The following ATXN1L variants were observed in gnomAD, a reference collection of about 807,000 sequenced individuals.
The protein encoded by ATXN1L is ataxin-1-like.
In ATXN1L, 8 loss-of-function variants were observed where a neutral mutation model predicts 43.4. The ratio of observed to expected loss-of-function variants is 0.18; its 90% CI spans 0.11 to 0.33. The LOEUF (loss-of-function observed/expected upper bound fraction) is 0.33, where lower values mean the gene tolerates loss of function less well. ATXN1L is among the 10% of genes least tolerant of loss of function. The pLI is 1.00. For synonymous variants in ATXN1L, 379 were observed against 360.6 expected (o/e 1.05, Z -0.58); for missense variants, 856 against 885.4 (o/e 0.97, Z 0.42).
At position 71,856,872 on chromosome 16, in the gene ATXN1L, T is replaced by C. The variant is rs1193005608; in HGVS notation, c.*5062T>C. 1 of 166,834 alleles carries C rather than the reference T, an allele frequency of 6.0e-6. No homozygotes were observed. Among genetic ancestry groups the C allele is most frequent in the African/African-American group, 2.4e-5 (1 of 41,360 alleles). 10.3% of individuals were successfully genotyped at this position (166,834 alleles called of 1,614,324 possible). A position where few individuals can be genotyped will look rare whatever the true frequency, so the allele number is the denominator to read the frequency against. Reference sequence around the variant, plus strand: ...GTGGAGAAGGATGGCACTGGGGAGGTCTGGATGGATCTGTGTAGGAGTTCC... The same window carrying C: ...GTGGAGAAGGATGGCACTGGGGAGGCCTGGATGGATCTGTGTAGGAGTTCC... On this transcript the variant is annotated 3_prime_UTR_variant, in exon 3 of 3. Coordinates refer to ENST00000427980, the MANE Select transcript of ATXN1L (RefSeq NM_001137675.4).
chr16:71,850,344 C>A lies in ATXN1L; in HGVS notation c.604C>A (p.Pro202Thr). The part of the protein sequence containing the change: ...PSPAHSFNKA[P>T]SATSPSGQLP... ...CCCGGCCCACTCATTTAACAAAGCT[C>A]CCTCTGCCACCTCCCCATCTGGGCA... The change falls in exon 3 of 3, where the codon CCC becomes ACC. Residue 202 changes from proline to threonine, a missense_variant. Physicochemically the swap from Pro to Thr is conservative, Grantham distance 38. Coordinates refer to ENST00000427980, the MANE Select transcript of ATXN1L (RefSeq NM_001137675.4). The A allele has an allele frequency of 1.9e-6, 3 of 1,551,710 alleles. No individual in the cohort carries two copies. The highest frequency in any genetic ancestry group is 2.6e-6 in the Non-Finnish European group (3 of 1,146,994).
chr16:71,846,957 A>G (rs2033449529), intron 1 of ATXN1L, among the ~76,000 whole-genome samples: 1 of 152,118 alleles, frequency 6.6e-6, no homozygotes, highest in Admixed American at 6.5e-5. Context: ...TTGGGAATGA[A>G]GAAGAAAGCA....
Position 71,852,479 on chromosome 16 carries a change from G to A in ATXN1L, c.*669G>A, listed in dbSNP as rs181613581. 198 of 167,288 alleles carry A rather than the reference G, an allele frequency of 1.2e-3. 1 individual carries two copies. Among genetic ancestry groups the A allele is most frequent in the Non-Finnish European group, 5.7e-4 (39 of 68,212 alleles). The allele number at this position is 167,288 out of a possible 1,614,324, so 10.4% of individuals were successfully genotyped here. A position where few individuals can be genotyped will look rare whatever the true frequency, so the allele number is the denominator to read the frequency against. On this transcript the variant is annotated 3_prime_UTR_variant, in exon 3 of 3. Transcript: ENST00000427980. ...AAGGCTTCTAGCAGCACGGGGGCCC[G>A]GAGGGAGAGCCCCTTCAGGGTTCAG...
intron 2 of ATXN1L, 51 bp from the exon 3 acceptor site, chr16:71,849,572 CT>C: frequency 1.7e-6 from 1 of 595,194 alleles, no homozygotes; most frequent in Non-Finnish European, 2.8e-6. Flanking sequence ...TTTCCTTTGT[CT>C]TGGCTCATCC....
Position 71,854,145 on chromosome 16 carries a change from A to G in ATXN1L, c.*2335A>G, listed in dbSNP as rs1444313246. 1 of 167,122 alleles carries G rather than the reference A, an allele frequency of 6.0e-6. No individual in the cohort carries two copies. The highest frequency in any genetic ancestry group is 1.5e-5 in the Non-Finnish European group (1 of 68,140). The allele number at this position is 167,122 out of a possible 1,614,324, so 10.4% of individuals were successfully genotyped here. A position where few individuals can be genotyped will look rare whatever the true frequency, so the allele number is the denominator to read the frequency against. On this transcript the variant is annotated 3_prime_UTR_variant, in exon 3 of 3. Coordinates refer to ENST00000427980, the MANE Select transcript of ATXN1L (RefSeq NM_001137675.4). ...AGGCTCATCAACTGAATTTAGTGAC[A>G]TGTACACAGTAGATGCTCAAGCAGT...
Position 71,851,574 on chromosome 16 carries a change from G to A in ATXN1L, c.1834G>A (p.Val612Ile), listed in dbSNP as rs1349205617. Residue 612 changes from valine (V) to isoleucine (I), a missense_variant, in exon 3 of 3, where the codon GTC becomes ATC. Physicochemically the swap from Val to Ile is conservative, Grantham distance 29 (BLOSUM62 3). Transcript: ENST00000427980. The surrounding 1 kb of genome is among the most constrained non-coding windows in gnomAD (Gnocchi z 4.9). ...GPPRERPERTVLGSRELCDSE... is the reference protein window; with the variant it reads ...GPPRERPERTILGSRELCDSE... ...CCCCCGAGAAAGGCCTGAGAGGACGGTCTTGGGATCCAGAGAGCTATGTGA... is the reference window on the plus strand; with the variant it reads ...CCCCCGAGAAAGGCCTGAGAGGACGATCTTGGGATCCAGAGAGCTATGTGA... The A allele has an allele frequency of 3.9e-6, 6 of 1,551,098 alleles. No individual in the cohort carries two copies. The highest frequency in any genetic ancestry group is 1.4e-5 in the African/African-American group (1 of 73,046).
In ATXN1L at chr16:71,851,915, C is replaced by T; in HGVS notation, c.*105C>T. ...GCCGAGCAGGGAATGGCTTTCTTGG[C>T]AGTGAGATTTGGGGGAAAGGGGAGG... On this transcript the variant is annotated 3_prime_UTR_variant, in exon 3 of 3. Coordinates refer to ENST00000427980, the MANE Select transcript of ATXN1L (RefSeq NM_001137675.4). This position sits in a 1 kb window ranked among gnomAD's most constrained non-coding sequence, Gnocchi z 4.9. 7.9e-7 allele frequency: 1 copy of T among 1,273,806 alleles called. No homozygotes were observed. The highest frequency in any genetic ancestry group is 2.5e-5 in the South Asian group (1 of 40,056). The allele number at this position is 1,273,806 out of a possible 1,614,324, so 78.9% of individuals were successfully genotyped here. A position where few individuals can be genotyped will look rare whatever the true frequency, so the allele number is the denominator to read the frequency against.
Position 71,849,212 on chromosome 16 carries a change from G to GT in ATXN1L, c.-117-408dup, listed in dbSNP as rs386385029. On this transcript the variant is annotated intron_variant, in intron 2 of 2. Transcript: ENST00000427980. ...GGGCAACAAGAGCAAAACTCCATGT[G>GT]TTTTAAAAAAAAAAAAAAAAAAAAA... is the stretch of plus-strand genomic sequence containing the variant. Among the ~76,000 whole-genome samples, 31 of 58,248 alleles carry GT rather than the reference G, an allele frequency of 5.3e-4. 1 individual carries two copies. The highest frequency in any genetic ancestry group is 1.1e-3 in the Admixed American group (6 of 5,326). 38.2% of individuals were successfully genotyped at this position (58,248 alleles called of 152,430 possible). A position where few individuals can be genotyped will look rare whatever the true frequency, so the allele number is the denominator to read the frequency against.
At position 71,850,642 on chromosome 16, in the gene ATXN1L, C is replaced by A; in HGVS notation, c.902C>A (p.Pro301Gln). 1 of 1,551,746 alleles carries A rather than the reference C, an allele frequency of 6.4e-7. No homozygotes were observed. The highest frequency in any genetic ancestry group is 8.7e-7 in the Non-Finnish European group (1 of 1,147,006). ...NSKGEGQGLV[P>Q]VVECVVDGQL... ...AAGGGTGAAGGCCAGGGACTGGTGC[C>A]AGTGGTAGAATGTGTGGTGGATGGA... The change falls in exon 3 of 3, where the codon CCA (proline) becomes CAA (glutamine). Residue 301 changes from proline to glutamine, a missense_variant. Physicochemically the swap from Pro to Gln is moderately conservative, Grantham distance 76. Transcript: ENST00000427980.
chr16:71,851,645 A>G lies in ATXN1L; in HGVS notation c.1905A>G (p.Val635=). 6.5e-7 allele frequency: 1 copy of G among 1,528,336 alleles called. No homozygotes were observed. The allele number at this position is 1,528,336 out of a possible 1,614,324, so 94.7% of individuals were successfully genotyped here. The part of the protein sequence containing the change: ...SQPAGEGSRV[V]EPSQPESGAQ... ...CGGCAGGAGAGGGCTCCCGTGTGGT[A>G]GAGCCTTCCCAGCCTGAGTCCGGTG... Residue 635 remains valine (V), a synonymous_variant, in exon 3 of 3, where the codon GTA becomes GTG. Transcript: ENST00000427980. The surrounding 1 kb of genome is among the most constrained non-coding windows in gnomAD (Gnocchi z 4.9).
chr16:71,851,548 C>A lies in ATXN1L; in HGVS notation c.1808C>A (p.Pro603His). The A allele has an allele frequency of 6.4e-6, 10 of 1,551,524 alleles. No individual in the cohort carries two copies. The highest frequency in any genetic ancestry group is 8.7e-6 in the Non-Finnish European group (10 of 1,146,938). ...TGTGCTCCCCCAAGCCAGCTGGGTC[C>A]CCCCCGAGAAAGGCCTGAGAGGACG... ...ASCAPPSQLG[P>H]PRERPERTVL... Residue 603 changes from proline to histidine, a missense_variant, in exon 3 of 3, where the codon CCC becomes CAC. By Grantham distance (77) the Pro-to-His change is moderately conservative. This residue lies in a region of ATXN1L where 185 missense variants were observed against 176.8 expected (regional missense o/e 1.05). Transcript: ENST00000427980. The surrounding 1 kb of genome is among the most constrained non-coding windows in gnomAD (Gnocchi z 4.9).
chr16:71,850,664 T>C lies in ATXN1L; in HGVS notation c.924T>C (p.Asp308=), dbSNP rs1429199573. 1 of 1,551,688 alleles carries C rather than the reference T, an allele frequency of 6.4e-7. No individual in the cohort carries two copies. The highest frequency in any genetic ancestry group is 1.2e-5 in the South Asian group (1 of 84,054). Residue 308 remains aspartate (D), a synonymous_variant, in exon 3 of 3, where the codon GAT becomes GAC. Transcript: ENST00000427980. ...TGCCAGTGGTAGAATGTGTGGTGGA[T>C]GGACAGTTGTTTTCAGGTTCTCAGA... ...GLVPVVECVV[D]GQLFSGSQTP...
Position 71,851,156 on chromosome 16 carries a change from C to T in ATXN1L, c.1416C>T (p.Gly472=), listed in dbSNP as rs1423460891. The change falls in exon 3 of 3, where the codon GGC becomes GGT. Residue 472 remains glycine (G), a synonymous_variant. Transcript: ENST00000427980. The surrounding 1 kb of genome is among the most constrained non-coding windows in gnomAD (Gnocchi z 4.9). ...SSHLPSHFMK[G]AIIQLATGEL... is the part of the protein sequence containing the mutation. ...ACTTGCCTTCCCATTTCATGAAAGG[C>T]GCCATCATCCAGCTGGCTACGGGAG... 18 of 1,551,584 alleles carry T rather than the reference C, an allele frequency of 1.2e-5. No homozygotes were observed. The highest frequency in any genetic ancestry group is 2.4e-5 in the East Asian group (1 of 40,930).
At chr16:71,846,486 G>A (rs980525479) in intron 1 of ATXN1L, among the ~76,000 whole-genome samples, 1 of 152,200 alleles carries the variant, frequency 6.6e-6, no homozygotes, top group Non-Finnish European at 1.5e-5. Flanking sequence ...AGGATTGCGG[G>A]ACCACTGGGA....
Position 71,852,990 on chromosome 16 carries a change from CAAG to C in ATXN1L, c.*1184_*1186del. 4 of 167,218 alleles carry C rather than the reference CAAG, an allele frequency of 2.4e-5. No homozygotes were observed. 10.4% of individuals were successfully genotyped at this position (167,218 alleles called of 1,614,324 possible). A position where few individuals can be genotyped will look rare whatever the true frequency, so the allele number is the denominator to read the frequency against. On this transcript the variant is annotated 3_prime_UTR_variant, in exon 3 of 3. Transcript: ENST00000427980. ...ACTGCCAAACAGCTTGGTGAAGAAA[CAAG>C]AAGGGAACTATGCCCTGGGCCAGGG...
chr16:71,851,745 C>G lies in ATXN1L; in HGVS notation c.2005C>G (p.Arg669Gly). 2.1e-6 allele frequency: 3 copies of G among 1,452,288 alleles called. No individual in the cohort carries two copies. Among genetic ancestry groups the G allele is most frequent in the Non-Finnish European group, 2.7e-6 (3 of 1,098,518 alleles). The allele number at this position is 1,452,288 out of a possible 1,614,324, so 90.0% of individuals were successfully genotyped here. A position where few individuals can be genotyped will look rare whatever the true frequency, so the allele number is the denominator to read the frequency against. Residue 669 changes from arginine (R) to glycine (G), a missense_variant, in exon 3 of 3, where the codon CGT becomes GGT. By Grantham distance (125) the Arg-to-Gly change is moderately radical. This residue lies in a region of ATXN1L where 185 missense variants were observed against 176.8 expected (regional missense o/e 1.05). Coordinates refer to ENST00000427980, the MANE Select transcript of ATXN1L (RefSeq NM_001137675.4). This position sits in a 1 kb window ranked among gnomAD's most constrained non-coding sequence, Gnocchi z 4.9. ...GGAGGAGGCACGGGCTGCGCTGCTC[C>G]GTCCCTCTTTCATTCCACAGGAGGT... The part of the protein sequence containing the change: ...QGEEARAALL[R>G]PSFIPQEVKL...
Position 71,850,827 on chromosome 16 carries a change from C to G in ATXN1L, c.1087C>G (p.Leu363Val), listed in dbSNP as rs1462555047. ...TCAGAGGAAGGAGGAACCCAGCCCC[C>G]TCAACCTATCCCATCATACCCCCGA... Reference protein sequence around the residue: ...AAQRKEEPSPLNLSHHTPDHQ... With the variant: ...AAQRKEEPSPVNLSHHTPDHQ... The change falls in exon 3 of 3, where the codon CTC (leucine) becomes GTC (valine). Residue 363 changes from leucine (L) to valine (V), a missense_variant. Around this residue, in one of 7 missense-constraint regions of ATXN1L, gnomAD observed 490 missense variants for 449.4 expected, o/e 1.09. Transcript: ENST00000427980. The G allele has an allele frequency of 5.2e-6, 8 of 1,551,632 alleles. No homozygotes were observed. Among genetic ancestry groups the G allele is most frequent in the African/African-American group, 1.4e-5 (1 of 73,046 alleles).
In ATXN1L at chr16:71,849,808, G is replaced by A; in HGVS notation, c.68G>A (p.Ser23Asn). Residue 23 changes from serine to asparagine, a missense_variant, in exon 3 of 3, where the codon AGC (serine) becomes AAC (asparagine). Ser to Asn is a conservative substitution (Grantham distance 46). This residue lies in a region of ATXN1L where 93 missense variants were observed against 113.4 expected (regional missense o/e 0.82). Transcript: ENST00000427980. ...AAGAAACGAGACCTCCCCGTGACCA[G>A]CGAGGATATGGGGAGAACTACCAGC... The part of the protein sequence containing the change: ...PPKKRDLPVT[S>N]EDMGRTTSCS... 1 of 1,549,850 alleles carries A rather than the reference G, an allele frequency of 6.5e-7. No individual in the cohort carries two copies. The highest frequency in any genetic ancestry group is 8.7e-7 in the Non-Finnish European group (1 of 1,145,908).
intron 1 of ATXN1L, among the ~76,000 whole-genome samples, chr16:71,846,491 C>G (rs1316275434): frequency 6.6e-6 from 1 of 152,228 alleles, no homozygotes; most frequent in South Asian, 2.1e-4. Flanking sequence ...TGCGGGACCA[C>G]TGGGAGCCAT....
Sources: gnomAD v4.1 joint callset for allele counts (sites outside exome capture counted in the v4.1 genomes callset) on GRCh38, gnomAD v4.1.1 for gene constraint, gnomAD v4.1.1 regional missense constraint, Gnocchi (gnomAD v3.1) non-coding constraint, MANE v1.5 for transcripts, NCBI Gene and HGNC (gene_info 2026-07-23, HGNC 2026-07-21) for gene names.